The following ASAP1 variants were observed in gnomAD, a reference collection of about 807,000 sequenced individuals.
ASAP1 encodes arf-GAP with SH3 domain, ANK repeat and PH domain-containing protein 1.
ASAP1 carries 43 observed loss-of-function variants against 145.2 expected under a neutral mutation model. That is an observed-to-expected ratio of 0.30 (90% confidence interval 0.23 to 0.38). The LOEUF (loss-of-function observed/expected upper bound fraction) is 0.38, where lower values mean the gene tolerates loss of function less well. ASAP1 is among the 10% of genes least tolerant of loss of function. The probability of loss-of-function intolerance (pLI) is 1.00; values close to 1 mark genes in which losing one functional copy is unlikely to be tolerated. For synonymous variants in ASAP1, 546 were observed against 515.5 expected (o/e 1.06, Z -0.80); for missense variants, 1,018 against 1,355.3 (o/e 0.75, Z 3.91).
At chr8:130,302,872 G>A (rs1822763356) in intron 3 of ASAP1, among the ~76,000 whole-genome samples, 1 of 152,176 alleles carries the variant, frequency 6.6e-6, no homozygotes, top group Admixed American at 6.5e-5. Flanking sequence ...CAGATGGAAA[G>A]TTCTTCTTCC....
At chr8:130,231,829 G>A (rs1817924760) in intron 4 of ASAP1, among the ~76,000 whole-genome samples, 1 of 152,218 alleles carries the variant, frequency 6.6e-6, no homozygotes, top group African/African-American at 2.4e-5. Context: ...GAAGCAAGCA[G>A]TAAGCTCTTT....
At chr8:130,265,378 C>A (rs538700444) in intron 3 of ASAP1, among the ~76,000 whole-genome samples, 1 of 150,556 alleles carries the variant, frequency 6.6e-6, no homozygotes, top group South Asian at 2.1e-4. Context: ...TGAGACCAGT[C>A]TGGGTAACAT....
intron 13 of ASAP1, among the ~76,000 whole-genome samples, chr8:130,140,550 G>T (rs1314818503): frequency 6.6e-6 from 1 of 151,918 alleles, no homozygotes; most frequent in East Asian, 1.9e-4. Flanking sequence ...TCTAAGCACG[G>T]ACTATTTCAA....
intron 26 of ASAP1, among the ~76,000 whole-genome samples, chr8:130,078,808 C>A (rs1223285338): frequency 1.3e-5 from 2 of 152,074 alleles, no homozygotes; most frequent in African/African-American, 4.8e-5. Context: ...ACCACCTAAC[C>A]ACTCTGGGCC....
chr8:130,427,448 T>A (rs545694991), intron 1 of ASAP1, among the ~76,000 whole-genome samples: 1 of 152,308 alleles, frequency 6.6e-6, no homozygotes, highest in South Asian at 2.1e-4. Flanking sequence ...GAATCCCACA[T>A]GTGGACAGGG....
intron 9 of ASAP1, chr8:130,179,059 T>C (rs1814167876): frequency 6.8e-6 from 3 of 440,618 alleles, no homozygotes; most frequent in Non-Finnish European, 1.2e-5. Flanking sequence ...GAAGACAATA[T>C]TTTTAAGCCC....
chr8:130,275,630 T>TA lies in ASAP1; in HGVS notation c.187-38637dup, dbSNP rs796616004. Among the ~76,000 whole-genome samples, 1,090 of 146,610 alleles carry TA rather than the reference T, an allele frequency of 7.4e-3. 11 individuals are homozygous for TA. Among genetic ancestry groups the TA allele is most frequent in the African/African-American group, 0.025 (1,013 of 40,226 alleles). On this transcript the variant is annotated intron_variant, in intron 3 of 29. Transcript: ENST00000518721. ...TTTACTGGCAGGATGCAACTTCAGT[T>TA]AAAAAAAAAAACTATGTATATAAAG...
chr8:130,132,151 A>G (rs1173896999), intron 15 of ASAP1, among the ~76,000 whole-genome samples: 1 of 152,188 alleles, frequency 6.6e-6, no homozygotes, highest in East Asian at 1.9e-4. Flanking sequence ...GCTTACTAGG[A>G]CTGTTACCAT....
chr8:130,238,441 C>A (rs761400024), intron 3 of ASAP1, among the ~76,000 whole-genome samples: 2 of 152,092 alleles, frequency 1.3e-5, no homozygotes, highest in Non-Finnish European at 2.9e-5. Context: ...TCACTGTTAA[C>A]CTTCCTACAG....
At chr8:130,420,593 A>G (rs944649553) in intron 1 of ASAP1, among the ~76,000 whole-genome samples, 19 of 152,124 alleles carry the variant, frequency 1.2e-4, no homozygotes, top group Non-Finnish European at 2.2e-4. Context: ...TTCAGCCATA[A>G]ATATAAATGA....
intron 3 of ASAP1, among the ~76,000 whole-genome samples, chr8:130,251,335 T>C (rs1287695383): frequency 6.6e-6 from 1 of 152,050 alleles, no homozygotes; most frequent in Non-Finnish European, 1.5e-5. Flanking sequence ...GGAGAAGTGC[T>C]TGAACCTGGG....
intron 5 of ASAP1, among the ~76,000 whole-genome samples, chr8:130,206,697 C>T (rs953499488): frequency 1.3e-5 from 2 of 152,178 alleles, no homozygotes; most frequent in Non-Finnish European, 2.9e-5. Context: ...CCGGGTGACT[C>T]CCACTATTTA....
chr8:130,105,286 A>G (rs1281710231), intron 24 of ASAP1, among the ~76,000 whole-genome samples: 1 of 152,226 alleles, frequency 6.6e-6, no homozygotes, highest in African/African-American at 2.4e-5. Context: ...TAGTAGGTAT[A>G]ACAAGTAATC....
At chr8:130,295,590 G>A (rs1319741652) in intron 3 of ASAP1, among the ~76,000 whole-genome samples, 2 of 152,186 alleles carry the variant, frequency 1.3e-5, no homozygotes, top group Non-Finnish European at 2.9e-5. Context: ...AGCACACAAT[G>A]TAGCTGTTAA....
rs921319332 is a variant in ASAP1, at chr8:130,304,726, C to G, written c.186+53291G>C. ...CCTAAACTACTTACTTCAACAGCCTCTTAACTGGGCACCCTCTTTCCACCT... is the reference window on the plus strand; with the variant it reads ...CCTAAACTACTTACTTCAACAGCCTGTTAACTGGGCACCCTCTTTCCACCT... On this transcript the variant is annotated intron_variant, in intron 3 of 29. Coordinates refer to ENST00000518721, the MANE Select transcript of ASAP1 (RefSeq NM_018482.4). Among the ~76,000 whole-genome samples, 19 of 152,314 alleles carry G rather than the reference C, an allele frequency of 1.2e-4. 1 individual carries two copies. The East Asian group carries it at 3.7e-3, about 29-fold the overall frequency.
chr8:130,312,782 T>C (rs1320743339), intron 3 of ASAP1, among the ~76,000 whole-genome samples: 2 of 152,154 alleles, frequency 1.3e-5, no homozygotes, highest in South Asian at 4.1e-4. Flanking sequence ...ACAGAAATTT[T>C]CCCCCCTAGA....
intron 13 of ASAP1, among the ~76,000 whole-genome samples, chr8:130,139,590 A>G (rs1280136983): frequency 1.3e-5 from 2 of 151,882 alleles, no homozygotes; most frequent in African/African-American, 2.4e-5. Context: ...TTAGCTAAGC[A>G]TGACGGCGCA....
intron 4 of ASAP1, among the ~76,000 whole-genome samples, chr8:130,230,218 A>G (rs954313813): frequency 6.6e-6 from 1 of 152,192 alleles, no homozygotes; most frequent in African/African-American, 2.4e-5. Context: ...TCATTAAAAA[A>G]TTAACTCATT....
intron 26 of ASAP1, among the ~76,000 whole-genome samples, chr8:130,079,558 A>C (rs1010350829): frequency 3.2e-4 from 49 of 152,158 alleles, no homozygotes; most frequent in African/African-American, 1.2e-3. Flanking sequence ...AAAAGTAACA[A>C]AGTTACTTGA....
Sources: allele counts gnomAD v4.1 joint callset (sites outside exome capture counted in the v4.1 genomes callset), GRCh38; gene constraint gnomAD v4.1.1; transcripts MANE v1.5; gene names NCBI Gene and HGNC (gene_info 2026-07-23, HGNC 2026-07-21).